PRKN: variants seen among roughly 807,000 people sequenced by gnomAD.
The protein encoded by PRKN is E3 ubiquitin-protein ligase parkin.
Under a neutral mutation model 59.5 loss-of-function variants are expected in PRKN, and 56 were observed. That is an observed-to-expected ratio of 0.94 (90% CI 0.76 to 1.18). PRKN has a LOEUF of 1.18. Ranked by LOEUF, PRKN falls within the 50% of genes most tolerant of loss-of-function variation. PRKN has a pLI of 0.00. For synonymous variants in PRKN, 250 were observed against 222.1 expected (o/e 1.13, Z -1.12); for missense variants, 657 against 596.4 (o/e 1.10, Z -1.06).
intron 1 of PRKN, among the ~76,000 whole-genome samples, chr6:162,496,696 C>T (rs1186826775): frequency 6.6e-6 from 1 of 152,136 alleles, no homozygotes; most frequent in Non-Finnish European, 1.5e-5. Context: ...TTTTCTCCTT[C>T]TAAAAATGGA....
At position 161,466,570 on chromosome 6, in the gene PRKN, T is replaced by C. The variant is rs1790487627; in HGVS notation, c.1084-79693A>G. On this transcript the variant is annotated intron_variant, in intron 9 of 11. Coordinates refer to ENST00000366898, the MANE Select transcript of PRKN (RefSeq NM_004562.3). The surrounding 1 kb of genome is among the most constrained non-coding windows in gnomAD (Gnocchi z 5.0). ...GACACTGTGGATGTTAGGATGAAGG[T>C]ACAGTTTGCATATTAAAAGATAAGC... is the stretch of plus-strand genomic sequence containing the variant. 6.6e-6 allele frequency among the ~76,000 whole-genome samples: 1 copy of C among 152,212 alleles called. No homozygotes were observed. The highest frequency in any genetic ancestry group is 2.4e-5 in the African/African-American group (1 of 41,470).
intron 6 of PRKN, among the ~76,000 whole-genome samples, chr6:161,820,793 T>A (rs1015035631): frequency 6.6e-6 from 1 of 150,852 alleles, no homozygotes; most frequent in East Asian, 1.9e-4. Flanking sequence ...AATATATTTT[T>A]AAATTGCAAA....
At chr6:161,630,040 C>T (rs773126091) in intron 7 of PRKN, among the ~76,000 whole-genome samples, 1 of 152,144 alleles carries the variant, frequency 6.6e-6, no homozygotes, top group Non-Finnish European at 1.5e-5. Flanking sequence ...GCTCACATAG[C>T]GTTCATTGTG....
intron 2 of PRKN, among the ~76,000 whole-genome samples, chr6:162,368,890 G>A (rs1785599029): frequency 6.6e-6 from 1 of 152,056 alleles, no homozygotes; most frequent in Non-Finnish European, 1.5e-5. Flanking sequence ...TATAATATTG[G>A]CCTAGTTCTC....
intron 7 of PRKN, among the ~76,000 whole-genome samples, chr6:161,629,142 T>C (rs1468475074): frequency 6.6e-6 from 1 of 152,104 alleles, no homozygotes; most frequent in Non-Finnish European, 1.5e-5. Flanking sequence ...AGGCTAGGGA[T>C]GCTCATGCAT....
intron 2 of PRKN, among the ~76,000 whole-genome samples, chr6:162,281,609 C>A (rs1387697653): frequency 3.3e-5 from 5 of 151,942 alleles, no homozygotes; most frequent in East Asian, 3.9e-4. Flanking sequence ...AAAAAGAAAT[C>A]TTTGTTTTGG....
At chr6:162,526,774 C>G (rs1044444059) in intron 1 of PRKN, among the ~76,000 whole-genome samples, 2 of 152,112 alleles carry the variant, frequency 1.3e-5, no homozygotes, top group African/African-American at 4.8e-5. Context: ...GGCCTGGAGA[C>G]AGAGGAAAAC....
chr6:162,479,266 C>T (rs561203017), intron 1 of PRKN, among the ~76,000 whole-genome samples: 1 of 151,414 alleles, frequency 6.6e-6, no homozygotes, highest in South Asian at 2.1e-4. Context: ...TGCTCTGTTG[C>T]CCGGGTTGGA....
intron 2 of PRKN, among the ~76,000 whole-genome samples, chr6:162,280,943 C>T (rs1780871206): frequency 6.6e-6 from 1 of 151,782 alleles, no homozygotes; most frequent in Non-Finnish European, 1.5e-5. Flanking sequence ...GAATACTATG[C>T]AACCATAAAA....
At position 162,250,060 on chromosome 6, in the gene PRKN, C is replaced by T. The variant is rs144845969; in HGVS notation, c.412+12465G>A. Among the ~76,000 whole-genome samples, 5 of 152,084 alleles carry T rather than the reference C, an allele frequency of 3.3e-5. No individual in the cohort carries two copies. The East Asian group carries it at 9.7e-4, about 30-fold the overall frequency. ...ACTCCGGAGGCTGAGGCAGGAGAAT[C>T]GCTTGAGCCCAGGACGCAGAGGTTG... On this transcript the variant is annotated intron_variant, in intron 3 of 11. Coordinates refer to ENST00000366898, the MANE Select transcript of PRKN (RefSeq NM_004562.3).
chr6:162,446,430 G>A (rs977806012), intron 1 of PRKN, among the ~76,000 whole-genome samples: 8 of 152,108 alleles, frequency 5.3e-5, no homozygotes, highest in Non-Finnish European at 1.2e-4. Context: ...CTACTGCAAG[G>A]ATGAGAGTTT....
intron 5 of PRKN, among the ~76,000 whole-genome samples, chr6:162,014,358 C>T (rs1438128059): frequency 6.6e-6 from 1 of 152,172 alleles, no homozygotes; most frequent in Non-Finnish European, 1.5e-5. Flanking sequence ...CACACTGCTA[C>T]ATACCTAGGT....
At chr6:162,534,596 G>A (rs1778642042) in intron 1 of PRKN, among the ~76,000 whole-genome samples, 1 of 152,070 alleles carries the variant, frequency 6.6e-6, no homozygotes, top group Admixed American at 6.6e-5. Context: ...AAACTTCAGG[G>A]AGTAATTAAA....
chr6:162,455,673 G>C (rs1002358651), intron 1 of PRKN, among the ~76,000 whole-genome samples: 5 of 152,068 alleles, frequency 3.3e-5, no homozygotes, highest in African/African-American at 1.2e-4. Flanking sequence ...CCTATTGGCT[G>C]TCTGATTTGA....
intron 1 of PRKN, among the ~76,000 whole-genome samples, chr6:162,706,904 T>A (rs1213097846): frequency 6.6e-6 from 1 of 152,226 alleles, no homozygotes; most frequent in African/African-American, 2.4e-5. Flanking sequence ...ATACCACTGA[T>A]GGAATTTGTT....
In PRKN at chr6:162,414,726, A is replaced by AAAAAAAAAAAAAT. The variant is rs34838356; in HGVS notation, c.171+28583_171+28584insATTTTTTTTTTTT. Among the ~76,000 whole-genome samples the AAAAAAAAAAAAAT allele has an allele frequency of 5.4e-5, 5 of 91,868 alleles. 1 individual carries two copies. The highest frequency in any genetic ancestry group is 2.3e-4 in the African/African-American group (5 of 22,052). The allele number at this position is 91,868 out of a possible 152,430, so 60.3% of individuals were successfully genotyped here. ...ACTCCGTCTCAAAAAAAAAAAAAAAAAGTGAATCTTTGAAGTTTTAAAATA... is the reference window on the plus strand; with the variant it reads ...ACTCCGTCTCAAAAAAAAAAAAAAAAAAAAAAAAAAAATAGTGAATCTTTGAAGTTTTAAAATA... On this transcript the variant is annotated intron_variant, in intron 2 of 11. Transcript: ENST00000366898.
chr6:162,285,571 T>C (rs1193981309), intron 2 of PRKN, among the ~76,000 whole-genome samples: 1 of 152,312 alleles, frequency 6.6e-6, no homozygotes, highest in East Asian at 1.9e-4. Context: ...GTTGAATGAA[T>C]GAATATCAGT....
intron 6 of PRKN, among the ~76,000 whole-genome samples, chr6:161,881,225 G>A (rs1794923418): frequency 6.6e-6 from 1 of 152,154 alleles, no homozygotes; most frequent in Non-Finnish European, 1.5e-5. Flanking sequence ...GTGTGGAGAC[G>A]CATCAGCAGC....
At chr6:161,606,432 A>T (rs1250254481) in intron 7 of PRKN, among the ~76,000 whole-genome samples, 1 of 152,230 alleles carries the variant, frequency 6.6e-6, no homozygotes, top group Admixed American at 6.5e-5. Context: ...CAGTAACTGA[A>T]AAAAGAAAAA....
Sources: allele counts gnomAD v4.1 joint callset (sites outside exome capture counted in the v4.1 genomes callset), GRCh38; gene constraint gnomAD v4.1.1; non-coding constraint Gnocchi (gnomAD v3.1); transcripts MANE v1.5; gene names NCBI Gene and HGNC (gene_info 2026-07-23, HGNC 2026-07-21).